PPP2R3A: variants seen among roughly 807,000 people sequenced by gnomAD.
PPP2R3A encodes the protein serine/threonine-protein phosphatase 2A regulatory subunit B'' subunit alpha.
PPP2R3A carries 80 observed loss-of-function variants against 106.9 expected under a neutral mutation model. The observed-to-expected ratio is 0.75, with a 90% CI of 0.62 to 0.90. The LOEUF is 0.90. Ranked by LOEUF, PPP2R3A falls within the 40% of genes least tolerant of loss-of-function variation. PPP2R3A has a pLI of 0.00. For missense variants in PPP2R3A, 1,386 were observed against 1,350.4 expected, an observed-to-expected ratio of 1.03 and a Z score of -0.41; for synonymous variants, 483 against 468.3, an observed-to-expected ratio of 1.03 and a Z score of -0.41.
intron 13 of PPP2R3A, among the ~76,000 whole-genome samples, chr3:136,140,735 C>A (rs929622682): frequency 4.4e-5 from 6 of 137,692 alleles, no homozygotes; most frequent in African/African-American, 1.4e-4. Flanking sequence ...GCAACAAGAA[C>A]AAAACTCAGT....
intron 5 of PPP2R3A, among the ~76,000 whole-genome samples, chr3:136,052,477 C>T (rs1181913925): frequency 6.6e-6 from 1 of 152,180 alleles, no homozygotes; most frequent in Non-Finnish European, 1.5e-5. Flanking sequence ...CAGTATCCTC[C>T]TGTCAGTAGT....
chr3:135,995,326 G>A (rs554466339), intron 1 of PPP2R3A, among the ~76,000 whole-genome samples: 1 of 151,830 alleles, frequency 6.6e-6, no homozygotes, highest in Non-Finnish European at 1.5e-5. Context: ...TCTCATCTAA[G>A]ATTATAAAAC....
intron 13 of PPP2R3A, among the ~76,000 whole-genome samples, chr3:136,138,337 G>A (rs1482115376): frequency 1.3e-5 from 2 of 152,068 alleles, no homozygotes; most frequent in Non-Finnish European, 2.9e-5. Flanking sequence ...AATATATTTA[G>A]CCCACATTTT....
intron 10 of PPP2R3A, among the ~76,000 whole-genome samples, chr3:136,092,529 T>A (rs1937117248): frequency 6.6e-6 from 1 of 152,198 alleles, no homozygotes; most frequent in South Asian, 2.1e-4. Context: ...ATTAAATTCC[T>A]ATGGAAATAC....
intron 7 of PPP2R3A, among the ~76,000 whole-genome samples, chr3:136,081,037 A>G (rs1241988179): frequency 2.0e-5 from 3 of 151,286 alleles, no homozygotes; most frequent in African/African-American, 7.3e-5. Context: ...CCTGTCGCCC[A>G]GGTTGGAGCA....
In PPP2R3A at chr3:136,040,871, C is replaced by A. The variant is rs1935242658; in HGVS notation, c.2275C>A (p.Pro759Thr). ...TTTCTATTTGCAGGTCTGTGGCTGTCCTCTCTATTGGAAAGCCCCCATGTT... is the reference window on the plus strand; with the variant it reads ...TTTCTATTTGCAGGTCTGTGGCTGTACTCTCTATTGGAAAGCCCCCATGTT... ...MGKIAKVCGC[P>T]LYWKAPMFRA... Residue 759 changes from proline (P) to threonine (T), a missense_variant, in exon 4 of 14, where the codon CCT (proline) becomes ACT (threonine). Pro to Thr is a conservative substitution (Grantham distance 38). Coordinates refer to ENST00000264977, the MANE Select transcript of PPP2R3A (RefSeq NM_002718.5). 1 of 1,612,592 alleles carries A rather than the reference C, an allele frequency of 6.2e-7. No homozygotes were observed. Among genetic ancestry groups the A allele is most frequent in the East Asian group, 2.2e-5 (1 of 44,784 alleles).
intron 10 of PPP2R3A, among the ~76,000 whole-genome samples, chr3:136,096,225 C>T (rs1313889522): frequency 6.6e-6 from 1 of 152,142 alleles, no homozygotes; most frequent in African/African-American, 2.4e-5. Flanking sequence ...AAGTCAGGGA[C>T]TGTCTATAGA....
At chr3:135,980,423 A>C (rs1937526342) in intron 1 of PPP2R3A, among the ~76,000 whole-genome samples, 2 of 149,302 alleles carry the variant, frequency 1.3e-5, no homozygotes, top group South Asian at 2.2e-4. Flanking sequence ...TTGGGGGATT[A>C]AAAAAAGGAG....
rs758323963 is a variant in PPP2R3A, at chr3:136,078,487, C to T, written c.2631+34C>T. On this transcript the variant is annotated intron_variant, in intron 7 of 13. Transcript: ENST00000264977. ...TTCATTAGAATTCATGTGTAATGAG[C>T]AATTTAGATAATTTTCTTACTTTAT... 6 of 1,292,028 alleles carry T rather than the reference C, an allele frequency of 4.6e-6. 1 individual carries two copies. The highest frequency in any genetic ancestry group is 1.9e-4 in the Middle Eastern group (1 of 5,140). The allele number at this position is 1,292,028 out of a possible 1,614,324, so 80.0% of individuals were successfully genotyped here.
intron 5 of PPP2R3A, among the ~76,000 whole-genome samples, chr3:136,052,379 A>G (rs1935714622): frequency 6.6e-6 from 1 of 152,134 alleles, no homozygotes; most frequent in South Asian, 2.1e-4. Flanking sequence ...TCTACAATAC[A>G]GCTTCTGCTG....
At chr3:136,100,324 A>G (rs989335448) in intron 10 of PPP2R3A, among the ~76,000 whole-genome samples, 6 of 152,064 alleles carry the variant, frequency 3.9e-5, no homozygotes, top group Non-Finnish European at 7.4e-5. Flanking sequence ...AGTGTGGGCA[A>G]TATAGTGAGA....
At chr3:136,107,691 T>C (rs138218082) in intron 13 of PPP2R3A, among the ~76,000 whole-genome samples, 431 of 152,292 alleles carry the variant, frequency 2.8e-3, no homozygotes, top group Admixed American at 7.1e-3. Context: ...CACTGAGAGA[T>C]TTCTTTAACC....
intron 13 of PPP2R3A, among the ~76,000 whole-genome samples, chr3:136,134,008 A>T (rs1015579782): frequency 1.6e-4 from 24 of 152,142 alleles, no homozygotes; most frequent in Admixed American, 1.1e-3. Context: ...GAGCCAAAAA[A>T]CTTCAGCTTA....
chr3:136,061,777 A>C (rs758498947), intron 5 of PPP2R3A, among the ~76,000 whole-genome samples: 3 of 151,084 alleles, frequency 2.0e-5, no homozygotes, highest in Non-Finnish European at 4.4e-5. Flanking sequence ...AAACATTGCC[A>C]GGCGTGGTGG....
rs562840283 is a variant in PPP2R3A, at chr3:136,143,046, A to ACCC, written c.3330-1997_3330-1996insCCC. Among the ~76,000 whole-genome samples the ACCC allele has an allele frequency of 4.6e-5, 7 of 152,310 alleles. No individual in the cohort carries two copies. The South Asian group carries it at 1.5e-3, about 32-fold the overall frequency. On this transcript the variant is annotated intron_variant, in intron 13 of 13. Coordinates refer to ENST00000264977, the MANE Select transcript of PPP2R3A (RefSeq NM_002718.5). ...CATTGAGGCCTCAAGGAGATGGGGG[A>ACCC]AGAGGAGTGGAAACAAGAATGGAAT... is the stretch of plus-strand genomic sequence containing the variant.
intron 5 of PPP2R3A, chr3:136,055,257 A>G (rs1051169379): frequency 2.9e-5 from 24 of 834,228 alleles, no homozygotes; most frequent in Non-Finnish European, 4.5e-5. Flanking sequence ...AAAAAGAAAC[A>G]TGAAGTACAA....
At chr3:136,017,435 G>C (rs1934316429) in intron 2 of PPP2R3A, among the ~76,000 whole-genome samples, 1 of 152,164 alleles carries the variant, frequency 6.6e-6, no homozygotes, top group South Asian at 2.1e-4. Context: ...ACATGAGAAG[G>C]CTTTTTAAAA....
At position 136,001,837 on chromosome 3, in the gene PPP2R3A, A is replaced by G. The variant is rs1321529078; in HGVS notation, c.339A>G (p.Ala113=). 1 of 1,614,184 alleles carries G rather than the reference A, an allele frequency of 6.2e-7. No homozygotes were observed. Among genetic ancestry groups the G allele is most frequent in the South Asian group, 1.1e-5 (1 of 91,086 alleles). Residue 113 remains alanine (A), a synonymous_variant, in exon 2 of 14, where the codon GCA becomes GCG. Coordinates refer to ENST00000264977, the MANE Select transcript of PPP2R3A (RefSeq NM_002718.5). ...FQNTYNLKDI[A]GEAISFASGK... Reference sequence around the variant, plus strand: ...ATACCTACAACTTAAAGGATATTGCAGGAGAAGCAATCAGTTTTGCCAGTG... The same window carrying G: ...ATACCTACAACTTAAAGGATATTGCGGGAGAAGCAATCAGTTTTGCCAGTG...
At chr3:136,015,514 G>A (rs1934238324) in intron 2 of PPP2R3A, among the ~76,000 whole-genome samples, 1 of 151,782 alleles carries the variant, frequency 6.6e-6, no homozygotes. Flanking sequence ...GGTCTGTTGA[G>A]CTTCTGTTTC....
Sources: allele counts gnomAD v4.1 joint callset (sites outside exome capture counted in the v4.1 genomes callset), GRCh38; gene constraint gnomAD v4.1.1; transcripts MANE v1.5; gene names NCBI Gene and HGNC (gene_info 2026-07-23, HGNC 2026-07-21).